The following CYP27C1 variants were observed in gnomAD, a reference collection of about 807,000 sequenced individuals.
The protein encoded by CYP27C1 is cytochrome P450 27C1.
A neutral mutation model predicts 40.6 loss-of-function variants in CYP27C1; 29 were observed. The ratio of observed to expected loss-of-function variants is 0.71; its 90% CI spans 0.53 to 0.97. The LOEUF is 0.97. Among genes scored for constraint, CYP27C1 ranks in the 50% least tolerant of loss-of-function variants. The pLI is 0.00. For missense variants in CYP27C1, 390 were observed against 485.8 expected, an observed-to-expected ratio of 0.80 and a Z score of 1.85; for synonymous variants, 198 against 186.8, an observed-to-expected ratio of 1.06 and a Z score of -0.49.
rs2104681012 is a variant in CYP27C1 at position 127,196,568 on chromosome 2, A to C, written c.1048-1067T>G. 6.6e-6 allele frequency among the ~76,000 whole-genome samples: 1 copy of C among 152,032 alleles called. No individual in the cohort carries two copies. The highest frequency in any genetic ancestry group is 2.4e-5 in the African/African-American group (1 of 41,478). On this transcript the variant is annotated intron_variant, in intron 5 of 8. Transcript: ENST00000664447. The surrounding 1 kb of genome is among the most constrained non-coding windows in gnomAD (Gnocchi z 4.5). ...AAACTAATTTAAGCAGGCAATATTG[A>C]TATCATTTTCTTGTAGAAGATATCA...
rs1259586114 is a variant in CYP27C1 at position 127,200,212 on chromosome 2, T to G, written c.884-673A>C. 6.6e-6 allele frequency among the ~76,000 whole-genome samples: 1 copy of G among 152,230 alleles called. No individual in the cohort carries two copies. The highest frequency in any genetic ancestry group is 1.5e-5 in the Non-Finnish European group (1 of 68,042). On this transcript the variant is annotated intron_variant, in intron 4 of 8. Coordinates refer to ENST00000664447, the MANE Select transcript of CYP27C1 (RefSeq NM_001367502.1). The surrounding 1 kb of genome is among the most constrained non-coding windows in gnomAD (Gnocchi z 4.2). ...CCAGGCTGGTCTTTAACTACTGACC[T>G]CAGGTGATCCTCCCACCTCGGCCTC... is the stretch of plus-strand genomic sequence containing the variant.
intron 2 of CYP27C1, among the ~76,000 whole-genome samples, chr2:127,204,477 A>G (rs1207843168): frequency 0.055 from 3,529 of 63,892 alleles, 460 homozygotes; most frequent in Non-Finnish European, 0.074. Context: ...AGAAAGAAAG[A>G]AAGAAAGAAA....
Position 127,197,046 on chromosome 2 carries a change from A to G in CYP27C1, c.1048-1545T>C, listed in dbSNP as rs73953288. Reference sequence around the variant, plus strand: ...TGTAAGAATTTGTTCCCTGGCTTCTATTGTAGGATGCTAAAAGGAACAGCT... The same window carrying G: ...TGTAAGAATTTGTTCCCTGGCTTCTGTTGTAGGATGCTAAAAGGAACAGCT... On this transcript the variant is annotated intron_variant, in intron 5 of 8. Coordinates refer to ENST00000664447, the MANE Select transcript of CYP27C1 (RefSeq NM_001367502.1). 8.2e-3 allele frequency among the ~76,000 whole-genome samples: 1,245 copies of G among 152,324 alleles called. 11 individuals carry two copies. The highest frequency in any genetic ancestry group is 0.028 in the African/African-American group (1,177 of 41,566).
intron 1 of CYP27C1, among the ~76,000 whole-genome samples, chr2:127,211,361 G>GTTTTTTTTTT (rs1156982574): frequency 1.9e-4 from 20 of 103,634 alleles, no homozygotes; most frequent in African/African-American, 6.3e-4. Context: ...CTAAAGCAGT[G>GTTTTTTTTTT]TTTTTTTGTT....
At position 127,193,874 on chromosome 2, in the gene CYP27C1, A is replaced by G. The variant is rs748457637; in HGVS notation, c.1215-7T>C. 1.1e-5 allele frequency: 17 copies of G among 1,614,056 alleles called. No homozygotes were observed. The highest frequency in any genetic ancestry group is 1.4e-5 in the Non-Finnish European group (16 of 1,180,032). ...TGGCAGCACTGGAAACAGCCTGGAA[A>G]AGAGCCAGCGGGGACGGGAATGGCG... On this transcript the variant is annotated splice_region_variant and splice_polypyrimidine_tract_variant and intron_variant, in intron 6 of 8. Coordinates refer to ENST00000664447, the MANE Select transcript of CYP27C1 (RefSeq NM_001367502.1).
intron 8 of CYP27C1, among the ~76,000 whole-genome samples, chr2:127,189,167 TG>T (rs1286812148): frequency 1.8e-4 from 3 of 16,244 alleles, no homozygotes; most frequent in African/African-American, 2.6e-4. Flanking sequence ...CAAAAAACAC[TG>T]CCCCCCCCCT....
At position 127,201,148 on chromosome 2, in the gene CYP27C1, C is replaced by G. The variant is rs1301188821; in HGVS notation, c.857G>C (p.Arg286Thr). 2.5e-6 allele frequency: 4 copies of G among 1,613,776 alleles called. No individual in the cohort carries two copies. The Admixed American group carries it at 5.0e-5, about 20-fold the overall frequency. ...FIPKPWREFCRSWDGLFKFSQ... is the reference protein window; with the variant it reads ...FIPKPWREFCTSWDGLFKFSQ... ...GAATTTGAAGAGTCCATCCCAGGAC[C>G]TGCAGAATTCCCGCCAGGGCTTTGG... is the stretch of plus-strand genomic sequence containing the variant. The change falls in exon 4 of 9, where the codon AGG becomes ACG. Residue 286 changes from arginine to threonine, a missense_variant. Transcript: ENST00000664447. This position sits in a 1 kb window ranked among gnomAD's most constrained non-coding sequence, Gnocchi z 6.0.
At position 127,190,147 on chromosome 2, in the gene CYP27C1, G is replaced by A. The variant is rs541545695; in HGVS notation, c.1498-2760C>T. ...CTCACTGATTCGATATCTTAGGTCT[G>A]TTCTCTTTCATTTGAGTCAATTTGG... On this transcript the variant is annotated intron_variant, in intron 8 of 8. Coordinates refer to ENST00000664447, the MANE Select transcript of CYP27C1 (RefSeq NM_001367502.1). Among the ~76,000 whole-genome samples the A allele has an allele frequency of 9.9e-5, 15 of 151,968 alleles. No individual in the cohort carries two copies. The South Asian group carries it at 3.1e-3, about 32-fold the overall frequency.
chr2:127,189,370 T>C (rs1682711016), intron 8 of CYP27C1, among the ~76,000 whole-genome samples: 1 of 152,108 alleles, frequency 6.6e-6, no homozygotes, highest in Non-Finnish European at 1.5e-5. Flanking sequence ...ATTTATTTGG[T>C]TAAGAAAGGC....
Position 127,199,374 on chromosome 2 carries a change from A to C in CYP27C1, c.1047+2T>G. On this transcript the variant is annotated splice_donor_variant, in intron 5 of 8. Transcript: ENST00000664447. LOFTEE classifies it high-confidence loss of function. Reference sequence around the variant, plus strand: ...TGCTGAGAACAGGACCCCCAGACTCACCGTGTCGACGCCGGCCAGCAGCAT... The same window carrying C: ...TGCTGAGAACAGGACCCCCAGACTCCCCGTGTCGACGCCGGCCAGCAGCAT... The C allele has an allele frequency of 6.2e-7, 1 of 1,613,944 alleles. No homozygotes were observed. The highest frequency in any genetic ancestry group is 8.5e-7 in the Non-Finnish European group (1 of 1,179,882).
intron 8 of CYP27C1, among the ~76,000 whole-genome samples, chr2:127,190,430 C>T (rs188155682): frequency 0.024 from 3,538 of 145,246 alleles, 127 homozygotes; most frequent in African/African-American, 0.08. Flanking sequence ...GCAACCTCTG[C>T]CTCCTGGGTT....
chr2:127,190,082 G>A (rs1248616639), intron 8 of CYP27C1, among the ~76,000 whole-genome samples: 2 of 151,868 alleles, frequency 1.3e-5, no homozygotes, highest in Admixed American at 1.3e-4. Context: ...ATAATTTAGG[G>A]GTAAATCTTT....
chr2:127,210,079 T>C (rs1362543192), intron 1 of CYP27C1, among the ~76,000 whole-genome samples: 8 of 151,992 alleles, frequency 5.3e-5, no homozygotes, highest in Non-Finnish European at 1.0e-4. Context: ...TTCTTCAAGG[T>C]TGAAATGAAG....
At position 127,196,879 on chromosome 2, in the gene CYP27C1, G is replaced by A. The variant is rs1038434953; in HGVS notation, c.1048-1378C>T. On this transcript the variant is annotated intron_variant, in intron 5 of 8. Transcript: ENST00000664447. The surrounding 1 kb of genome is among the most constrained non-coding windows in gnomAD (Gnocchi z 4.5). ...GCTATATGATTCCATTCTCATCAAT[G>A]TTTAGAAAAATGTGGCAGTGGTTTC... Among the ~76,000 whole-genome samples, 1 of 152,198 alleles carries A rather than the reference G, an allele frequency of 6.6e-6. No individual in the cohort carries two copies. Among genetic ancestry groups the A allele is most frequent in the African/African-American group, 2.4e-5 (1 of 41,452 alleles).
intron 2 of CYP27C1, among the ~76,000 whole-genome samples, chr2:127,204,429 G>A (rs1295278770): frequency 1.2e-5 from 1 of 82,172 alleles, no homozygotes; most frequent in African/African-American, 4.3e-5. Flanking sequence ...AAGAGAGAAA[G>A]GAAAGAAAGA....
chr2:127,212,295 G>A (rs916884396), intron 1 of CYP27C1, among the ~76,000 whole-genome samples: 21 of 152,072 alleles, frequency 1.4e-4, no homozygotes, highest in African/African-American at 4.1e-4. Context: ...TGAGAAGAAG[G>A]GACTCCCCCC....
intron 6 of CYP27C1, among the ~76,000 whole-genome samples, chr2:127,194,451 T>G (rs1396010754): frequency 6.6e-6 from 1 of 152,190 alleles, no homozygotes; most frequent in Non-Finnish European, 1.5e-5. Context: ...GTCGCAGCAT[T>G]TCCTCACAGA....
chr2:127,205,754 C>A (rs1010233436), intron 2 of CYP27C1, 146 bp downstream of exon 2: 1 of 985,366 alleles, frequency 1.0e-6, no homozygotes, highest in Non-Finnish European at 1.2e-6. Context: ...TCTGGGAGAT[C>A]GCACAAGGAG....
In CYP27C1 at chr2:127,187,079, C is replaced by A; in HGVS notation, c.*192G>T. The A allele has an allele frequency of 5.2e-6, 3 of 572,602 alleles. No individual in the cohort carries two copies. The highest frequency in any genetic ancestry group is 4.5e-5 in the South Asian group (2 of 44,848). The allele number at this position is 572,602 out of a possible 1,614,324, so 35.5% of individuals were successfully genotyped here. ...AGAAAGGGCAACTTCTGGTATGCAC[C>A]AGTAAAATAGCAACCTTTTTACATT... On this transcript the variant is annotated 3_prime_UTR_variant, in exon 9 of 9. Transcript: ENST00000664447.
Sources: allele counts gnomAD v4.1 joint callset (sites outside exome capture counted in the v4.1 genomes callset), GRCh38; gene constraint gnomAD v4.1.1; non-coding constraint Gnocchi (gnomAD v3.1); transcripts MANE v1.5; gene names NCBI Gene and HGNC (gene_info 2026-07-23, HGNC 2026-07-21).